RASGRF1: variants seen among roughly 807,000 people sequenced by gnomAD.
The protein encoded by RASGRF1 is ras-specific guanine nucleotide-releasing factor 1.
A neutral mutation model predicts 138.7 loss-of-function variants in RASGRF1; 40 were observed. The observed-to-expected ratio is 0.29, with a 90% confidence interval of 0.22 to 0.38. RASGRF1 has a LOEUF of 0.38. Among genes scored for constraint, RASGRF1 ranks in the 10% least tolerant of loss-of-function variants. The pLI is 1.00. For synonymous variants in RASGRF1, 614 were observed against 663.2 expected (o/e 0.93, Z 1.14); for missense variants, 1,108 against 1,650.4 (o/e 0.67, Z 5.69).
chr15:79,051,920 C>A (rs1279466535), intron 3 of RASGRF1, among the ~76,000 whole-genome samples: 1 of 152,144 alleles, frequency 6.6e-6, no homozygotes, highest in East Asian at 1.9e-4. Flanking sequence ...GCCTAAAGGG[C>A]TCATGGAGGG....
chr15:79,031,117 C>G (rs752803329), intron 8 of RASGRF1, among the ~76,000 whole-genome samples: 12 of 152,202 alleles, frequency 7.9e-5, no homozygotes, highest in Non-Finnish European at 1.5e-4. Flanking sequence ...GAGTCATGGA[C>G]AGTCCCTCTC....
intron 1 of RASGRF1, among the ~76,000 whole-genome samples, chr15:79,076,237 A>G (rs1209327036): frequency 3.3e-5 from 5 of 152,148 alleles, no homozygotes; most frequent in African/African-American, 1.2e-4. Flanking sequence ...CTGGGAACTT[A>G]AAGAAGCCCT....
chr15:79,032,458 G>C lies in RASGRF1; in HGVS notation c.959-142C>G, dbSNP rs868672308. On this transcript the variant is annotated intron_variant, in intron 6 of 26. Coordinates refer to ENST00000558480, the MANE Select transcript of RASGRF1 (RefSeq NM_001145648.3). The surrounding 1 kb of genome is among the most constrained non-coding windows in gnomAD (Gnocchi z 4.5). ...CACCCCAGAGACATCTCTGCTCTTGGGGATGACTCCAGTACCACTGCCCTA... is the reference window on the plus strand; with the variant it reads ...CACCCCAGAGACATCTCTGCTCTTGCGGATGACTCCAGTACCACTGCCCTA... The C allele has an allele frequency of 1.3e-6, 1 of 758,268 alleles. No individual in the cohort carries two copies. The highest frequency in any genetic ancestry group is 3.7e-4 in the Middle Eastern group (1 of 2,678). The allele number at this position is 758,268 out of a possible 1,614,324, so 47.0% of individuals were successfully genotyped here. A position where few individuals can be genotyped will look rare whatever the true frequency, so the allele number is the denominator to read the frequency against.
rs182800941 is a variant in RASGRF1, at chr15:79,032,258, G to A, written c.1017C>T (p.Asn339=). The A allele has an allele frequency of 6.2e-7, 1 of 1,614,106 alleles. No homozygotes were observed. Among genetic ancestry groups the A allele is most frequent in the East Asian group, 2.2e-5 (1 of 44,880 alleles). Residue 339 remains asparagine, a synonymous_variant, in exon 7 of 27, where the codon AAC becomes AAT. Transcript: ENST00000558480. The surrounding 1 kb of genome is among the most constrained non-coding windows in gnomAD (Gnocchi z 4.5). ...CCAGGATCTGCAGGCTGTACTGGTG[G>A]TTGCGGACGAACTCTTGGTAGATGT... ...MLNIYQEFVR[N]HQYSLQILAH... is the part of the protein sequence containing the mutation.
At chr15:79,034,563 A>T (rs555972650) in intron 6 of RASGRF1, among the ~76,000 whole-genome samples, 13 of 152,356 alleles carry the variant, frequency 8.5e-5, no homozygotes, top group African/African-American at 3.1e-4. Context: ...CTAAGAGCCA[A>T]CCATAGCAGA....
chr15:79,013,290 G>T (rs1016356080), intron 13 of RASGRF1, among the ~76,000 whole-genome samples: 1 of 152,192 alleles, frequency 6.6e-6, no homozygotes, highest in African/African-American at 2.4e-5. Flanking sequence ...TGCCTTCAAG[G>T]CCAGACCTTT....
chr15:78,967,383 A>G (rs1286704277), intron 26 of RASGRF1, among the ~76,000 whole-genome samples: 1 of 152,072 alleles, frequency 6.6e-6, no homozygotes, highest in Non-Finnish European at 1.5e-5. Context: ...CTGTTTCTAC[A>G]AAAAATATAA....
At chr15:78,975,554 T>C (rs552909181) in intron 24 of RASGRF1, among the ~76,000 whole-genome samples, 28 of 150,878 alleles carry the variant, frequency 1.9e-4, no homozygotes, top group Non-Finnish European at 3.4e-4. Context: ...CTCTGTTACC[T>C]AGACTGGAGT....
Position 79,056,413 on chromosome 15 carries a change from C to A in RASGRF1, c.531+1921G>T, listed in dbSNP as rs181677902. On this transcript the variant is annotated intron_variant, in intron 3 of 26. Transcript: ENST00000558480. ...GGGCGAGGATTGATCCCAGAATGAA[C>A]TGGGTGGGCCGGAGTGGGGACATCC... 1.2e-3 allele frequency among the ~76,000 whole-genome samples: 180 copies of A among 152,292 alleles called. 2 individuals are homozygous for A. The highest frequency in any genetic ancestry group is 4.2e-3 in the African/African-American group (173 of 41,548).
intron 13 of RASGRF1, among the ~76,000 whole-genome samples, chr15:79,011,974 C>T (rs1042914572): frequency 7.3e-5 from 11 of 151,512 alleles, no homozygotes; most frequent in African/African-American, 1.2e-4. Flanking sequence ...CGAGATCACA[C>T]GACTGCACTC....
At chr15:78,975,193 C>G (rs140614529) in intron 24 of RASGRF1, among the ~76,000 whole-genome samples, 24 of 152,126 alleles carry the variant, frequency 1.6e-4, no homozygotes, top group African/African-American at 5.5e-4. Context: ...CGGTTCAAGA[C>G]CAGCCTGAGC....
At chr15:78,970,278 T>C (rs12902390) in intron 26 of RASGRF1, among the ~76,000 whole-genome samples, 2 of 151,974 alleles carry the variant, frequency 1.3e-5, no homozygotes, top group Non-Finnish European at 1.5e-5. Context: ...CTCAACACTT[T>C]GGGAGGCTGA....
intron 3 of RASGRF1, among the ~76,000 whole-genome samples, chr15:79,054,218 AC>A (rs2057477703): frequency 6.6e-6 from 1 of 151,760 alleles, no homozygotes; most frequent in South Asian, 2.1e-4. Flanking sequence ...ATGGACAACA[AC>A]AAAAGTGGCA....
At chr15:78,998,563 G>A (rs1391890543) in intron 18 of RASGRF1, among the ~76,000 whole-genome samples, 156 bp downstream of exon 18, 1 of 152,222 alleles carries the variant, frequency 6.6e-6, no homozygotes, top group Non-Finnish European at 1.5e-5. Flanking sequence ...AGTCCTCCGG[G>A]AACATCAGGG....
At chr15:79,087,763 C>A (rs2058001054) in intron 1 of RASGRF1, among the ~76,000 whole-genome samples, 1 of 152,258 alleles carries the variant, frequency 6.6e-6, no homozygotes, top group South Asian at 2.1e-4. Flanking sequence ...TTTTTGTACA[C>A]ATGTGTAGCC....
At chr15:79,001,345 G>A (rs1486228506) in intron 16 of RASGRF1, among the ~76,000 whole-genome samples, 1 of 152,114 alleles carries the variant, frequency 6.6e-6, no homozygotes, top group East Asian at 1.9e-4. Flanking sequence ...TTCCACGAAT[G>A]AGCCCTAGAT....
rs1019960698 is a variant in RASGRF1 at position 79,073,153 on chromosome 15, G to C, written c.277-8627C>G. ...TGATCAAGGATATAGGATACATTCA[G>C]ATACAGGACCCGAGTCCAAGTTTCA... is the stretch of plus-strand genomic sequence containing the variant. On this transcript the variant is annotated intron_variant, in intron 1 of 26. Transcript: ENST00000558480. The surrounding 1 kb of genome is among the most constrained non-coding windows in gnomAD (Gnocchi z 4.2). Among the ~76,000 whole-genome samples the C allele has an allele frequency of 2.0e-5, 3 of 152,020 alleles. No homozygotes were observed. Among genetic ancestry groups the C allele is most frequent in the African/African-American group, 7.3e-5 (3 of 41,366 alleles).
At chr15:79,045,700 C>T (rs2057347026) in intron 5 of RASGRF1, among the ~76,000 whole-genome samples, 1 of 152,226 alleles carries the variant, frequency 6.6e-6, no homozygotes, top group African/African-American at 2.4e-5. Context: ...AGACTCATGT[C>T]TGACTCACAA....
chr15:79,037,724 G>C (rs573864791), intron 5 of RASGRF1, among the ~76,000 whole-genome samples: 1 of 152,052 alleles, frequency 6.6e-6, no homozygotes, highest in Non-Finnish European at 1.5e-5. Context: ...CTCTCAAAGT[G>C]CTGGGATTAC....
Sources: gnomAD v4.1 joint callset for allele counts (sites outside exome capture counted in the v4.1 genomes callset) on GRCh38, gnomAD v4.1.1 for gene constraint, Gnocchi (gnomAD v3.1) non-coding constraint, MANE v1.5 for transcripts, NCBI Gene and HGNC (gene_info 2026-07-23, HGNC 2026-07-21) for gene names.